The following APAF1 variants were observed in gnomAD, a reference collection of about 807,000 sequenced individuals.
The protein encoded by APAF1 is apoptotic peptidase activating factor 1.
Under a neutral mutation model 152.4 loss-of-function variants are expected in APAF1, and 91 were observed. The observed-to-expected ratio is 0.60, with a 90% CI of 0.50 to 0.71. The LOEUF (loss-of-function observed/expected upper bound fraction) is 0.71. Ranked by LOEUF, APAF1 falls within the 30% of genes least tolerant of loss-of-function variation. APAF1 has a pLI of 0.00. For synonymous variants in APAF1, 484 were observed against 494.1 expected, an observed-to-expected ratio of 0.98 and a Z score of 0.27; for missense variants, 1,283 against 1,472.0, an observed-to-expected ratio of 0.87 and a Z score of 2.10.
chr12:98,689,435 TGAGA>T (rs10562439), intron 16 of APAF1, among the ~76,000 whole-genome samples: 9,608 of 146,802 alleles, frequency 0.065, 475 homozygotes, highest in African/African-American at 0.14. Context: ...TGTGTGAGGG[TGAGA>T]GAGAGAGAGA....
chr12:98,703,244 A>G (rs541279741), intron 17 of APAF1, 127 bp from the exon 18 acceptor site: 9 of 1,009,734 alleles, frequency 8.9e-6, no homozygotes, highest in Middle Eastern at 3.1e-4. Flanking sequence ...ATGACTGTCA[A>G]TAATTATGCC....
At position 98,706,495 on chromosome 12, in the gene APAF1, C is replaced by T. The variant is rs2153337521; in HGVS notation, c.2606C>T (p.Thr869Ile). The T allele has an allele frequency of 6.2e-7, 1 of 1,613,964 alleles. No individual in the cohort carries two copies. Among genetic ancestry groups the T allele is most frequent in the Non-Finnish European group, 8.5e-7 (1 of 1,179,870 alleles). ...LSQYCVELWNTDSRSKVADCR... is the reference protein window; with the variant it reads ...LSQYCVELWNIDSRSKVADCR... Reference sequence around the variant, plus strand: ...GTGTTTATTCTGTAGTTGTGGAATACAGACTCACGTTCAAAGGTGGCTGAT... The same window carrying T: ...GTGTTTATTCTGTAGTTGTGGAATATAGACTCACGTTCAAAGGTGGCTGAT... The change falls in exon 19 of 27, where the codon ACA (threonine) becomes ATA (isoleucine). Residue 869 changes from threonine (T) to isoleucine (I), a missense_variant. Coordinates refer to ENST00000551964, the MANE Select transcript of APAF1 (RefSeq NM_181861.2).
intron 16 of APAF1, among the ~76,000 whole-genome samples, chr12:98,695,361 C>CG (rs200206774): frequency 0.017 from 2,558 of 149,332 alleles, 72 homozygotes; most frequent in African/African-American, 0.06. Context: ...CCGCCCCCCC[C>CG]CTTTTTTTTT....
intron 4 of APAF1, among the ~76,000 whole-genome samples, chr12:98,655,563 A>T (rs945578147): frequency 6.6e-6 from 1 of 152,234 alleles, no homozygotes; most frequent in African/African-American, 2.4e-5. Flanking sequence ...AAGAAAAAGA[A>T]ATAAAAGTTC....
chr12:98,664,149 G>C (rs1054596918), intron 7 of APAF1, among the ~76,000 whole-genome samples: 20 of 151,782 alleles, frequency 1.3e-4, no homozygotes, highest in African/African-American at 4.4e-4. Context: ...CCCCCTAGTA[G>C]CTGGGATTAC....
intron 16 of APAF1, among the ~76,000 whole-genome samples, chr12:98,687,382 T>C (rs1043533160): frequency 1.3e-5 from 2 of 151,730 alleles, no homozygotes; most frequent in African/African-American, 4.8e-5. Flanking sequence ...AAAAAAGTTC[T>C]GTAATGTAGA....
At chr12:98,686,048 A>T (rs571018129) in intron 15 of APAF1, among the ~76,000 whole-genome samples, 29 of 152,334 alleles carry the variant, frequency 1.9e-4, no homozygotes, top group African/African-American at 6.5e-4. Context: ...ATACCATACT[A>T]TTATCACACC....
intron 18 of APAF1, among the ~76,000 whole-genome samples, chr12:98,703,840 C>T (rs889624727): frequency 2.6e-5 from 4 of 152,136 alleles, no homozygotes; most frequent in Admixed American, 2.6e-4. Context: ...ATTTCTTAAA[C>T]AGTGTAGGCA....
At position 98,658,919 on chromosome 12, in the gene APAF1, G is replaced by A. The variant is rs115185919; in HGVS notation, c.527-241G>A. On this transcript the variant is annotated intron_variant, in intron 4 of 26. Coordinates refer to ENST00000551964, the MANE Select transcript of APAF1 (RefSeq NM_181861.2). The stretch of plus-strand genomic sequence containing the variant: ...AAGATCATAAAACTTTACTTGGTAA[G>A]ATTTTCCCGATAAGCCACAGATTTA... 1.1e-3 allele frequency among the ~76,000 whole-genome samples: 162 copies of A among 152,290 alleles called. 1 individual carries two copies. Among genetic ancestry groups the A allele is most frequent in the African/African-American group, 3.7e-3 (152 of 41,560 alleles).
chr12:98,724,520 T>G (rs2097747613), intron 24 of APAF1, among the ~76,000 whole-genome samples: 3 of 152,228 alleles, frequency 2.0e-5, no homozygotes. Flanking sequence ...TTCATCTTTT[T>G]GTGCATGCTG....
intron 16 of APAF1, 79 bp downstream of exon 16, chr12:98,686,952 T>G (rs2097698652): frequency 4.2e-6 from 6 of 1,432,482 alleles, no homozygotes; most frequent in South Asian, 1.2e-5. Context: ...AGGTTTCTGT[T>G]TTTTCACATT....
chr12:98,655,435 CG>C (rs1231561922), intron 4 of APAF1, among the ~76,000 whole-genome samples: 1 of 150,588 alleles, frequency 6.6e-6, no homozygotes, highest in Non-Finnish European at 1.5e-5. Flanking sequence ...ACCTCCCGGA[CG>C]GGGCGGCCGG....
At chr12:98,649,058 C>G in intron 3 of APAF1, 2 of 759,306 alleles carry the variant, frequency 2.6e-6, no homozygotes, top group Non-Finnish European at 4.1e-6. Flanking sequence ...TTTTTAGAGA[C>G]AATAAGACAA....
At chr12:98,691,482 T>C (rs1169801964) in intron 16 of APAF1, among the ~76,000 whole-genome samples, 2 of 152,186 alleles carry the variant, frequency 1.3e-5, no homozygotes, top group Admixed American at 6.5e-5. Context: ...TCTTAAGTCA[T>C]CTATACTTGC....
chr12:98,727,343 G>T, intron 26 of APAF1, 27 bp downstream of exon 26: 1 of 1,611,648 alleles, frequency 6.2e-7, no homozygotes, highest in Non-Finnish European at 8.5e-7. Flanking sequence ...AACTGTGAAA[G>T]AAAATAATAG....
At chr12:98,667,772 T>A in intron 10 of APAF1, 128 bp downstream of exon 10, 1 of 833,880 alleles carries the variant, frequency 1.2e-6, no homozygotes, top group Non-Finnish European at 1.8e-6. Flanking sequence ...TTGATTTTTT[T>A]TTTTTTTTTT....
At chr12:98,678,873 G>A (rs12813112) in intron 13 of APAF1, among the ~76,000 whole-genome samples, 6,708 of 152,302 alleles carry the variant, frequency 0.044, 214 homozygotes, top group Non-Finnish European at 0.067. Context: ...GTGCTGATGA[G>A]CATAGGAGGG....
Position 98,734,538 on chromosome 12 carries a change from A to G in APAF1, c.*1972A>G, listed in dbSNP as rs2097766469. On this transcript the variant is annotated 3_prime_UTR_variant, in exon 27 of 27. Coordinates refer to ENST00000551964, the MANE Select transcript of APAF1 (RefSeq NM_181861.2). ...GATAACTTGTTTTTATTGTTGGTGC[A>G]TATTAGTATAACTGTGGGGTAGGTC... 6 of 152,604 alleles carry G rather than the reference A, an allele frequency of 3.9e-5. No homozygotes were observed. Among genetic ancestry groups the G allele is most frequent in the Admixed American group, 3.9e-4 (6 of 15,284 alleles). The allele number at this position is 152,604 out of a possible 1,614,324, so 9.5% of individuals were successfully genotyped here.
At chr12:98,695,155 C>A (rs2097708401) in intron 16 of APAF1, among the ~76,000 whole-genome samples, 1 of 151,634 alleles carries the variant, frequency 6.6e-6, no homozygotes, top group African/African-American at 2.4e-5. Context: ...TGGGTTCAAG[C>A]AGTTCTCCTG....
Sources: gnomAD v4.1 joint callset for allele counts (sites outside exome capture counted in the v4.1 genomes callset) on GRCh38, gnomAD v4.1.1 for gene constraint, MANE v1.5 for transcripts, NCBI Gene and HGNC (gene_info 2026-07-23, HGNC 2026-07-21) for gene names.